CEP128: variants seen among roughly 807,000 people sequenced by gnomAD.
CEP128 encodes centrosomal protein 128, also known as centrosomal protein 128kDa.
A neutral mutation model predicts 156.7 loss-of-function variants in CEP128; 132 were observed. The observed-to-expected ratio is 0.84, with a 90% CI of 0.73 to 0.97. The LOEUF is 0.97. CEP128 is among the 50% of genes least tolerant of loss of function. The pLI is 0.00. For missense variants in CEP128, 1,252 were observed against 1,281.9 expected (o/e 0.98, Z 0.36); for synonymous variants, 469 against 448.9 (o/e 1.04, Z -0.57).
intron 13 of CEP128, among the ~76,000 whole-genome samples, chr14:80,801,968 A>C (rs1032545908): frequency 6.6e-6 from 1 of 150,828 alleles, no homozygotes; most frequent in Non-Finnish European, 1.5e-5. Context: ...AGAGAAATGC[A>C]AATCAAAACC....
At chr14:80,910,082 A>C (rs1043596498) in intron 4 of CEP128, among the ~76,000 whole-genome samples, 5 of 152,074 alleles carry the variant, frequency 3.3e-5, no homozygotes, top group African/African-American at 1.2e-4. Context: ...ATTTTCCCCC[A>C]CTTTCCCCTA....
intron 2 of CEP128, among the ~76,000 whole-genome samples, chr14:80,923,545 C>T (rs987747019): frequency 2.6e-5 from 4 of 152,194 alleles, no homozygotes; most frequent in African/African-American, 9.7e-5. Context: ...AAGCACCCAG[C>T]ATCAGGGGTG....
intron 8 of CEP128, among the ~76,000 whole-genome samples, chr14:80,870,957 C>CA (rs545433576): frequency 4.3e-4 from 59 of 137,146 alleles, no homozygotes; most frequent in East Asian, 1.5e-3. Context: ...CATAACAACT[C>CA]AAAAAAAAAA....
chr14:80,859,762 T>A (rs2140150173), intron 9 of CEP128, among the ~76,000 whole-genome samples: 1 of 152,254 alleles, frequency 6.6e-6, no homozygotes, highest in Middle Eastern at 3.4e-3. Context: ...CAATTTCCAA[T>A]GATTAACACT....
At position 80,534,819 on chromosome 14, in the gene CEP128, C is replaced by T. The variant is rs76546146; in HGVS notation, c.2881-3933G>A. ...CAGCCTGGGCGACAGAGCAAGATTC[C>T]GTCTCAAAAAAAAAAAAAAAAAAAA... On this transcript the variant is annotated intron_variant, in intron 21 of 24. Coordinates refer to ENST00000555265, the MANE Select transcript of CEP128 (RefSeq NM_152446.5). Among the ~76,000 whole-genome samples, 26 of 114,676 alleles carry T rather than the reference C, an allele frequency of 2.3e-4. No homozygotes were observed. The East Asian group carries it at 5.0e-3, about 22-fold the overall frequency. The allele number at this position is 114,676 out of a possible 152,430, so 75.2% of individuals were successfully genotyped here. A position where few individuals can be genotyped will look rare whatever the true frequency, so the allele number is the denominator to read the frequency against.
intron 8 of CEP128, among the ~76,000 whole-genome samples, chr14:80,888,916 A>G (rs1281354135): frequency 1.3e-5 from 2 of 152,222 alleles, no homozygotes; most frequent in Non-Finnish European, 2.9e-5. Flanking sequence ...TAAGCTGATA[A>G]GCAACTTCAG....
At chr14:80,607,883 C>T (rs1263278156) in intron 19 of CEP128, among the ~76,000 whole-genome samples, 1 of 152,112 alleles carries the variant, frequency 6.6e-6, no homozygotes, top group African/African-American at 2.4e-5. Context: ...CTCAGATATC[C>T]AACCAACCTT....
chr14:80,942,743 C>T (rs138811506), upstream of CEP128, among the ~76,000 whole-genome samples: 564 of 152,158 alleles, frequency 3.7e-3, 3 homozygotes, highest in African/African-American at 0.013. Flanking sequence ...TTCTTCTCAC[C>T]CTTTCCTCAC....
chr14:80,631,492 C>G (rs984098072), intron 19 of CEP128, among the ~76,000 whole-genome samples: 1 of 151,954 alleles, frequency 6.6e-6, no homozygotes, highest in Non-Finnish European at 1.5e-5. Flanking sequence ...GTCTTACATA[C>G]CATTAATATG....
intron 23 of CEP128, among the ~76,000 whole-genome samples, chr14:80,518,271 G>A (rs1254070929): frequency 6.6e-6 from 1 of 151,596 alleles, no homozygotes; most frequent in East Asian, 1.9e-4. Flanking sequence ...GGTCGGGTGT[G>A]AGCTAAGTTG....
intron 14 of CEP128, among the ~76,000 whole-genome samples, chr14:80,480,514 AC>A (rs1460113991): frequency 4.0e-5 from 6 of 151,808 alleles, no homozygotes; most frequent in African/African-American, 1.5e-4. Context: ...CAACAAAGGG[AC>A]CCTGGACCTG....
At chr14:80,840,170 T>G (rs1886283085) in intron 10 of CEP128, among the ~76,000 whole-genome samples, 1 of 151,998 alleles carries the variant, frequency 6.6e-6, no homozygotes, top group Non-Finnish European at 1.5e-5. Context: ...TAAGGAAGAG[T>G]TGTTTGGCCT....
intron 13 of CEP128, among the ~76,000 whole-genome samples, chr14:80,824,191 C>T (rs1885346434): frequency 6.6e-6 from 1 of 152,216 alleles, no homozygotes; most frequent in Non-Finnish European, 1.5e-5. Context: ...CTAGGCTGCA[C>T]ACCACATGGG....
chr14:80,539,614 T>C (rs1889649668), intron 21 of CEP128, among the ~76,000 whole-genome samples: 2 of 152,180 alleles, frequency 1.3e-5, no homozygotes, highest in Admixed American at 1.3e-4. Flanking sequence ...TTGAACAATA[T>C]GAAATCAGTG....
chr14:80,520,166 C>T lies in CEP128; in HGVS notation c.3072+6703G>A, dbSNP rs528413030. ...AGACTCAGTGGCTCACACCTGTAAT[C>T]CCAGCACTTTGAGAGGTGGAAGCTT... On this transcript the variant is annotated intron_variant, in intron 23 of 24. Coordinates refer to ENST00000555265, the MANE Select transcript of CEP128 (RefSeq NM_152446.5). Among the ~76,000 whole-genome samples, 235 of 152,290 alleles carry T rather than the reference C, an allele frequency of 1.5e-3. 1 individual carries two copies. Among genetic ancestry groups the T allele is most frequent in the African/African-American group, 5.3e-3 (221 of 41,560 alleles).
At chr14:80,551,047 TACTC>T (rs1386357593) in intron 21 of CEP128, among the ~76,000 whole-genome samples, 2 of 152,288 alleles carry the variant, frequency 1.3e-5, no homozygotes, top group African/African-American at 4.8e-5. Context: ...ATAACAATGT[TACTC>T]AATTCTTGAA....
chr14:80,602,635 T>C (rs1426083196), intron 19 of CEP128, among the ~76,000 whole-genome samples: 2 of 152,140 alleles, frequency 1.3e-5, no homozygotes, highest in East Asian at 3.9e-4. Flanking sequence ...TAGCCAGGCA[T>C]GGTGGCATGC....
At chr14:80,490,411 T>C (rs775296551), downstream of CEP128, 9 of 152,186 alleles carry the variant, frequency 5.9e-5, no homozygotes, top group Non-Finnish European at 1.0e-4. Context: ...GTGGAATCAA[T>C]GCCCCAAATC....
At chr14:80,554,001 A>G (rs1890324440) in intron 21 of CEP128, among the ~76,000 whole-genome samples, 2 of 152,168 alleles carry the variant, frequency 1.3e-5, no homozygotes, top group African/African-American at 2.4e-5. Flanking sequence ...ATTTTTCCAT[A>G]TGACCTTTAT....
Sources: gnomAD v4.1 joint callset for allele counts (sites outside exome capture counted in the v4.1 genomes callset) on GRCh38, gnomAD v4.1.1 for gene constraint, MANE v1.5 for transcripts, NCBI Gene and HGNC (gene_info 2026-07-23, HGNC 2026-07-21) for gene names.